Variants in NEDD4L observed in about 807,000 individuals in gnomAD.
The protein encoded by NEDD4L is E3 ubiquitin-protein ligase NEDD4-like.
NEDD4L carries 54 observed loss-of-function variants against 148.9 expected under a neutral mutation model. That is an observed-to-expected ratio of 0.36 (90% confidence interval 0.29 to 0.45). The LOEUF (loss-of-function observed/expected upper bound fraction) is 0.45, where lower values mean the gene tolerates loss of function less well. Ranked by LOEUF, NEDD4L falls within the 20% of genes least tolerant of loss-of-function variation. The pLI is 1.00. For missense variants in NEDD4L, 856 were observed against 1,233.8 expected (o/e 0.69, Z 4.59); for synonymous variants, 433 against 440.7 (o/e 0.98, Z 0.22).
chr18:58,083,390 A>C (rs2083568542), intron 1 of NEDD4L, among the ~76,000 whole-genome samples: 1 of 152,136 alleles, frequency 6.6e-6, no homozygotes, highest in African/African-American at 2.4e-5. Flanking sequence ...GGCTCAAAAA[A>C]CAGAAACAAA....
intron 18 of NEDD4L, among the ~76,000 whole-genome samples, chr18:58,356,888 TAAAAG>T (rs2044741905): frequency 6.6e-6 from 1 of 152,212 alleles, no homozygotes; most frequent in Non-Finnish European, 1.5e-5. Flanking sequence ...TATAAATCCT[TAAAAG>T]AACAGGGGTT....
At chr18:58,225,078 T>C (rs1345670445) in intron 2 of NEDD4L, among the ~76,000 whole-genome samples, 1 of 152,034 alleles carries the variant, frequency 6.6e-6, no homozygotes, top group East Asian at 1.9e-4. Context: ...GAAAAAAAAG[T>C]CACTTAGCTT....
chr18:58,350,287 C>T (rs549314249), intron 17 of NEDD4L, among the ~76,000 whole-genome samples: 1 of 152,266 alleles, frequency 6.6e-6, no homozygotes, highest in Non-Finnish European at 1.5e-5. Context: ...ATTAGGGCAA[C>T]ATTGGAGGCT....
chr18:58,105,695 C>T (rs540305089), intron 1 of NEDD4L, among the ~76,000 whole-genome samples: 10 of 152,210 alleles, frequency 6.6e-5, no homozygotes, highest in Non-Finnish European at 1.0e-4. Flanking sequence ...TCTGATATCA[C>T]GAGTCAATGT....
At chr18:58,140,844 T>C (rs1364620097) in intron 1 of NEDD4L, among the ~76,000 whole-genome samples, 9 of 152,096 alleles carry the variant, frequency 5.9e-5, no homozygotes, top group Non-Finnish European at 1.3e-4. Context: ...TTGCTCCGAG[T>C]TGTTGCTCAT....
chr18:58,274,484 C>T (rs2051565794), intron 5 of NEDD4L, among the ~76,000 whole-genome samples: 1 of 152,198 alleles, frequency 6.6e-6, no homozygotes, highest in Non-Finnish European at 1.5e-5. Context: ...CCAAACAGTT[C>T]AGGGATGCAC....
intron 1 of NEDD4L, among the ~76,000 whole-genome samples, chr18:58,089,341 G>T (rs2083935374): frequency 6.6e-6 from 1 of 151,918 alleles, no homozygotes. Flanking sequence ...CACCATATTG[G>T]CCAGCCTGGT....
chr18:58,374,730 G>A (rs1319959447), intron 24 of NEDD4L, among the ~76,000 whole-genome samples: 1 of 150,714 alleles, frequency 6.6e-6, no homozygotes, highest in Non-Finnish European at 1.5e-5. Flanking sequence ...TTCACTCCGG[G>A]CTCTCACCCC....
intron 2 of NEDD4L, among the ~76,000 whole-genome samples, chr18:58,206,825 T>C (rs917920539): frequency 7.9e-5 from 12 of 152,188 alleles, no homozygotes; most frequent in African/African-American, 2.9e-4. Context: ...GGGCAAATAT[T>C]ACAGCACGAA....
At chr18:58,082,105 T>A (rs1475892747) in intron 1 of NEDD4L, among the ~76,000 whole-genome samples, 114 of 120,036 alleles carry the variant, frequency 9.5e-4, no homozygotes, top group African/African-American at 3.1e-3. Flanking sequence ...TATATATATT[T>A]TTTTTTTTTT....
chr18:58,336,558 C>T (rs1282068549), intron 13 of NEDD4L, among the ~76,000 whole-genome samples: 1 of 150,428 alleles, frequency 6.6e-6, no homozygotes, highest in Non-Finnish European at 1.5e-5. Context: ...CCCTGGGCGA[C>T]AGAGCGAGAC....
chr18:58,143,631 A>G (rs1263494971), intron 1 of NEDD4L, among the ~76,000 whole-genome samples: 1 of 152,208 alleles, frequency 6.6e-6, no homozygotes, highest in Non-Finnish European at 1.5e-5. Context: ...GCATAAACAC[A>G]TGACCTGTGC....
chr18:58,309,519 G>A (rs1002637442), intron 5 of NEDD4L, among the ~76,000 whole-genome samples: 2 of 152,092 alleles, frequency 1.3e-5, no homozygotes, highest in African/African-American at 4.8e-5. Flanking sequence ...AGGTGAGGAT[G>A]TGCGGGGAGA....
chr18:58,374,343 A>G (rs1410542254), intron 24 of NEDD4L, among the ~76,000 whole-genome samples: 1 of 152,126 alleles, frequency 6.6e-6, no homozygotes, highest in East Asian at 1.9e-4. Flanking sequence ...AGGGCCCTTC[A>G]GTGGCTAGGC....
intron 1 of NEDD4L, among the ~76,000 whole-genome samples, chr18:58,071,251 A>G (rs1181220764): frequency 6.6e-6 from 1 of 152,194 alleles, no homozygotes; most frequent in East Asian, 1.9e-4. Flanking sequence ...TTGAGGCTGC[A>G]GTGAGCCATG....
chr18:58,344,194 A>G (rs1359857329), intron 16 of NEDD4L, among the ~76,000 whole-genome samples: 1 of 152,218 alleles, frequency 6.6e-6, no homozygotes, highest in Non-Finnish European at 1.5e-5. Flanking sequence ...CAGCAGCCTT[A>G]TATTCAAGAA....
intron 2 of NEDD4L, among the ~76,000 whole-genome samples, chr18:58,204,189 G>A (rs542643633): frequency 6.6e-6 from 1 of 152,244 alleles, no homozygotes; most frequent in African/African-American, 2.4e-5. Flanking sequence ...TTACCCAGAC[G>A]TGGTGGTGTG....
chr18:58,254,850 G>C (rs1298896877), intron 5 of NEDD4L, among the ~76,000 whole-genome samples: 1 of 152,174 alleles, frequency 6.6e-6, no homozygotes, highest in Non-Finnish European at 1.5e-5. Flanking sequence ...CCTCCACTTA[G>C]CTATTTTGTT....
At chr18:58,336,378 C>T (rs1050110887) in intron 13 of NEDD4L, among the ~76,000 whole-genome samples, 2 of 151,962 alleles carry the variant, frequency 1.3e-5, no homozygotes, top group Non-Finnish European at 2.9e-5. Flanking sequence ...GAGATCGAGA[C>T]CATCCTGGCT....
Sources: gnomAD v4.1 joint callset for allele counts (sites outside exome capture counted in the v4.1 genomes callset) on GRCh38, gnomAD v4.1.1 for gene constraint, MANE v1.5 for transcripts, NCBI Gene and HGNC (gene_info 2026-07-23, HGNC 2026-07-21) for gene names.